Variants in ASIC2 observed in about 807,000 individuals in gnomAD.
ASIC2 encodes acid-sensing ion channel 2.
Under a neutral mutation model 57.3 loss-of-function variants are expected in ASIC2, and 25 were observed. That is an observed-to-expected ratio of 0.44 (90% CI 0.32 to 0.61). The LOEUF (loss-of-function observed/expected upper bound fraction) is 0.61, where lower values mean the gene tolerates loss of function less well. ASIC2 is among the 20% of genes least tolerant of loss of function. The pLI is 0.06. For synonymous variants in ASIC2, 319 were observed against 307.5 expected (o/e 1.04, Z -0.39); for missense variants, 641 against 738.1 (o/e 0.87, Z 1.52).
chr17:33,955,169 T>C (rs1182480221), intron 1 of ASIC2: 1 of 152,128 alleles, frequency 6.6e-6, no homozygotes, highest in Non-Finnish European at 1.5e-5. Context: ...TAGAAATGGG[T>C]CCATTTACTC....
At chr17:34,058,648 G>A (rs921271466) in intron 1 of ASIC2, among the ~76,000 whole-genome samples, 1 of 152,174 alleles carries the variant, frequency 6.6e-6, no homozygotes, top group East Asian at 1.9e-4. Context: ...TGGATCTCAG[G>A]GAAATGTATT....
intron 1 of ASIC2, among the ~76,000 whole-genome samples, chr17:33,801,717 T>G (rs938671961): frequency 2.0e-5 from 3 of 152,212 alleles, no homozygotes; most frequent in African/African-American, 7.2e-5. Flanking sequence ...AGCCAGAACC[T>G]TCAATGTCCA....
At chr17:33,202,810 G>A (rs759838396) in intron 1 of ASIC2, among the ~76,000 whole-genome samples, 1 of 151,076 alleles carries the variant, frequency 6.6e-6, no homozygotes, top group Non-Finnish European at 1.5e-5. Context: ...CTGGATGGGT[G>A]GGGGTGACCT....
chr17:34,113,889 A>G (rs1310840135), intron 1 of ASIC2, among the ~76,000 whole-genome samples: 2 of 152,180 alleles, frequency 1.3e-5, no homozygotes, highest in South Asian at 2.1e-4. Context: ...TAAAAATACA[A>G]AAAGAATAAA....
At chr17:34,102,245 G>A (rs9912922) in intron 1 of ASIC2, among the ~76,000 whole-genome samples, 26,957 of 151,986 alleles carry the variant, frequency 0.18, 3,012 homozygotes, top group African/African-American at 0.32. Context: ...CACTAGAATC[G>A]CCTGATCCCA....
chr17:33,232,668 A>G (rs546199760), intron 1 of ASIC2, among the ~76,000 whole-genome samples: 1 of 152,382 alleles, frequency 6.6e-6, no homozygotes, highest in African/African-American at 2.4e-5. Context: ...CCTACAACCT[A>G]AATGGTAAAG....
chr17:34,109,386 CAA>C (rs1331580753), intron 1 of ASIC2, among the ~76,000 whole-genome samples: 15 of 152,192 alleles, frequency 9.9e-5, no homozygotes, highest in Admixed American at 7.2e-4. Context: ...TATGTACAAA[CAA>C]TGCCAAAAGT....
At chr17:33,067,141 T>C (rs2092046907) in intron 3 of ASIC2, among the ~76,000 whole-genome samples, 1 of 122,684 alleles carries the variant, frequency 8.2e-6, no homozygotes, top group Non-Finnish European at 1.8e-5. Flanking sequence ...AATAGAGTTC[T>C]TGCAGATAAA....
chr17:33,113,072 A>AT (rs1394441553), intron 1 of ASIC2, among the ~76,000 whole-genome samples: 2 of 152,174 alleles, frequency 1.3e-5, no homozygotes, highest in African/African-American at 4.8e-5. Context: ...CTGGCACACA[A>AT]TAGGGCTCAG....
chr17:33,543,422 G>T (rs1482494676), intron 1 of ASIC2, among the ~76,000 whole-genome samples: 1 of 152,280 alleles, frequency 6.6e-6, no homozygotes, highest in Non-Finnish European at 1.5e-5. Context: ...CATGTGAGAG[G>T]TAGTGTCAGA....
rs114802621 is a variant in ASIC2, at chr17:33,025,793, C to T, written c.1195+133G>A. On this transcript the variant is annotated intron_variant, in intron 5 of 9. Transcript: ENST00000225823. ...CTCCCATCCCTGCAGCAACTCCACC[C>T]GACCAGCCCCTTTCTTCTCATCCTC... 1.7e-3 allele frequency: 1,440 copies of T among 856,828 alleles called. 13 individuals carry two copies. The African/African-American group carries it at 0.017, about 10-fold the overall frequency. The allele number at this position is 856,828 out of a possible 1,614,324, so 53.1% of individuals were successfully genotyped here.
At chr17:33,322,646 T>C (rs1030683432) in intron 1 of ASIC2, among the ~76,000 whole-genome samples, 2 of 152,176 alleles carry the variant, frequency 1.3e-5, no homozygotes, top group African/African-American at 4.8e-5. Context: ...ACAGAGATGG[T>C]TCAGACCCAA....
At chr17:33,325,703 G>C (rs753598217) in intron 1 of ASIC2, among the ~76,000 whole-genome samples, 28 of 152,118 alleles carry the variant, frequency 1.8e-4, no homozygotes, top group Non-Finnish European at 3.1e-4. Flanking sequence ...GCAGCAAGTG[G>C]GTATGAGAAA....
chr17:33,170,582 A>T (rs1363704073), intron 1 of ASIC2, among the ~76,000 whole-genome samples: 1 of 152,166 alleles, frequency 6.6e-6, no homozygotes, highest in South Asian at 2.1e-4. Flanking sequence ...TCACTGAGAC[A>T]TTTGCCCAGA....
chr17:34,031,696 C>T (rs1298181357), intron 1 of ASIC2, among the ~76,000 whole-genome samples: 3 of 152,134 alleles, frequency 2.0e-5, no homozygotes, highest in Non-Finnish European at 4.4e-5. Flanking sequence ...AACCAAGGCA[C>T]GAGAGCTACG....
At chr17:33,094,391 C>T (rs558546081) in intron 2 of ASIC2, among the ~76,000 whole-genome samples, 61 of 152,228 alleles carry the variant, frequency 4.0e-4, no homozygotes, top group African/African-American at 1.3e-3. Context: ...TCCTTCTTTC[C>T]GAGGGGGTGG....
At chr17:33,816,075 AGAG>A (rs1912570691) in intron 1 of ASIC2, among the ~76,000 whole-genome samples, 1 of 147,862 alleles carries the variant, frequency 6.8e-6, no homozygotes, top group Non-Finnish European at 1.5e-5. Context: ...GTGGGAACAG[AGAG>A]GAGAGGCTCT....
At chr17:33,487,728 A>G (rs1322868328) in intron 1 of ASIC2, among the ~76,000 whole-genome samples, 1 of 152,224 alleles carries the variant, frequency 6.6e-6, no homozygotes, top group Non-Finnish European at 1.5e-5. Flanking sequence ...CGTGGCCAGA[A>G]TAAAGAAGGC....
intron 1 of ASIC2, among the ~76,000 whole-genome samples, chr17:33,782,547 C>A (rs1169383257): frequency 6.6e-6 from 1 of 152,034 alleles, no homozygotes; most frequent in South Asian, 2.1e-4. Context: ...GCCAACATAG[C>A]GAAACCTTGT....
Sources: allele counts gnomAD v4.1 joint callset (sites outside exome capture counted in the v4.1 genomes callset), GRCh38; gene constraint gnomAD v4.1.1; transcripts MANE v1.5; gene names NCBI Gene and HGNC (gene_info 2026-07-23, HGNC 2026-07-21).